PMPCA: variants seen among roughly 807,000 people sequenced by gnomAD.
PMPCA encodes the protein peptidase, mitochondrial processing subunit alpha, also known as mitochondrial-processing peptidase subunit alpha.
A neutral mutation model predicts 59.3 loss-of-function variants in PMPCA; 47 were observed. That is an observed-to-expected ratio of 0.79 (90% CI 0.63 to 1.01). The LOEUF is 1.01. Among genes scored for constraint, PMPCA ranks in the 50% least tolerant of loss-of-function variants. The pLI, the probability that PMPCA is intolerant of heterozygous loss-of-function variation, is 0.00. For missense variants in PMPCA, 726 were observed against 704.5 expected (o/e 1.03, Z -0.34); for synonymous variants, 338 against 290.3 (o/e 1.16, Z -1.67).
intron 8 of PMPCA, 43 bp from the exon 9 acceptor site, chr9:136,418,512 G>A (rs375389987): frequency 6.5e-6 from 8 of 1,226,786 alleles, no homozygotes; most frequent in African/African-American, 4.5e-5. Context: ...TGCTCCTGAC[G>A]TGGCGTGGGT....
At chr9:136,413,143 TC>T (rs887869314) in intron 4 of PMPCA, among the ~76,000 whole-genome samples, 1 of 152,158 alleles carries the variant, frequency 6.6e-6, no homozygotes, top group Non-Finnish European at 1.5e-5. Flanking sequence ...CAGGCCCTGT[TC>T]CCAGATAGAG....
intron 2 of PMPCA, 133 bp downstream of exon 2, chr9:136,412,332 A>G (rs1467978594): frequency 1.2e-6 from 1 of 818,794 alleles, no homozygotes; most frequent in Admixed American, 1.8e-5. Context: ...GATTTCATAA[A>G]TGTTGAGCTA....
At position 136,421,986 on chromosome 9, in the gene PMPCA, G is replaced by T. The variant is rs764078668; in HGVS notation, c.1408+10G>T. On this transcript the variant is annotated intron_variant, in intron 12 of 12. Coordinates refer to ENST00000371717, the MANE Select transcript of PMPCA (RefSeq NM_015160.3). ...CTGTGCACGCTCATCCGTGAGTACCGCAGGGGTAGTGAGGGGCTGCCGCAG... is the reference window on the plus strand; with the variant it reads ...CTGTGCACGCTCATCCGTGAGTACCTCAGGGGTAGTGAGGGGCTGCCGCAG... The T allele has an allele frequency of 1.1e-5, 18 of 1,603,158 alleles. 1 individual carries two copies. Among genetic ancestry groups the T allele is most frequent in the Non-Finnish European group, 1.4e-5 (16 of 1,174,932 alleles).
At position 136,421,891 on chromosome 9, in the gene PMPCA, C is replaced by T. The variant is rs751866578; in HGVS notation, c.1323C>T (p.Ser441=). 6 of 1,611,372 alleles carry T rather than the reference C, an allele frequency of 3.7e-6. No individual in the cohort carries two copies. The Admixed American group carries it at 6.7e-5, about 18-fold the overall frequency. The part of the protein sequence containing the change: ...LTSMLMMNLE[S]RPVIFEDVGR... Reference sequence around the variant, plus strand: ...CAATGCTCATGATGAACCTGGAATCCAGGCCTGTGATCTTCGAGGATGTGG... The same window carrying T: ...CAATGCTCATGATGAACCTGGAATCTAGGCCTGTGATCTTCGAGGATGTGG... The change falls in exon 12 of 13, where the codon TCC becomes TCT. Residue 441 remains serine, a synonymous_variant. Transcript: ENST00000371717.
intron 11 of PMPCA, among the ~76,000 whole-genome samples, 171 bp from the exon 12 acceptor site, chr9:136,421,661 C>T (rs895764855): frequency 1.3e-5 from 2 of 152,210 alleles, no homozygotes; most frequent in Non-Finnish European, 2.9e-5. Flanking sequence ...ATCCGCCTGC[C>T]TCAGCCTCCC....
Position 136,415,266 on chromosome 9 carries a change from G to T in PMPCA, c.532+619G>T, listed in dbSNP as rs74679968. ...CACAAAAAGGAAAAAAAACCCACTG[G>T]TGATTGTAAAAGTCCTTAGTGTTTG... On this transcript the variant is annotated intron_variant, in intron 5 of 12. Coordinates refer to ENST00000371717, the MANE Select transcript of PMPCA (RefSeq NM_015160.3). Among the ~76,000 whole-genome samples the T allele has an allele frequency of 2.5e-4, 38 of 152,292 alleles. No individual in the cohort carries two copies. In the East Asian group the frequency reaches 7.1e-3, roughly 29 times the overall value.
At chr9:136,412,984 G>A in intron 4 of PMPCA, 92 bp downstream of exon 4, 1 of 789,056 alleles carries the variant, frequency 1.3e-6, no homozygotes, top group Non-Finnish European at 2.2e-6. Context: ...CCTCCCAGCG[G>A]GAGGTGTGGA....
At chr9:136,414,190 A>C (rs1835209498) in intron 4 of PMPCA, among the ~76,000 whole-genome samples, 1 of 152,240 alleles carries the variant, frequency 6.6e-6, no homozygotes, top group Non-Finnish European at 1.5e-5. Context: ...TATAGTTACA[A>C]AAATCTGTAT....
At chr9:136,418,992 A>C in intron 10 of PMPCA, 52 bp from the exon 11 acceptor site, 3 of 1,597,560 alleles carry the variant, frequency 1.9e-6, no homozygotes, top group Non-Finnish European at 2.6e-6. Flanking sequence ...TAGACGGGTC[A>C]GTAGGCCGGC....
chr9:136,419,973 G>T (rs1401666908), intron 11 of PMPCA: 1 of 150,502 alleles, frequency 6.6e-6, no homozygotes, highest in Admixed American at 6.7e-5. Context: ...GTACAAATAA[G>T]CAAGTTTTAT....
intron 12 of PMPCA, 26 bp downstream of exon 12, chr9:136,422,002 G>T: frequency 6.3e-7 from 1 of 1,589,698 alleles, no homozygotes; most frequent in Non-Finnish European, 8.6e-7. Flanking sequence ...GTAGTGAGGG[G>T]CTGCCGCAGG....
intron 5 of PMPCA, chr9:136,415,959 T>C: frequency 2.8e-6 from 1 of 352,226 alleles, no homozygotes; most frequent in East Asian, 5.4e-5. Context: ...AGCACCTTCA[T>C]GTCTGGTCTC....
chr9:136,417,920 G>T, intron 7 of PMPCA, 97 bp from the exon 8 acceptor site: 1 of 911,578 alleles, frequency 1.1e-6, no homozygotes, highest in Admixed American at 1.8e-5. Context: ...GCTGGCATTG[G>T]ATTTCTGTGT....
chr9:136,423,046 G>A (rs556578627), intron 12 of PMPCA, 49 bp from the exon 13 acceptor site: 526 of 1,559,942 alleles, frequency 3.4e-4, no homozygotes, highest in Non-Finnish European at 4.3e-4. Flanking sequence ...CAGCCTCAGC[G>A]TGGGGGCCGT....
intron 12 of PMPCA, 102 bp from the exon 13 acceptor site, chr9:136,422,991 AGT>A: frequency 6.8e-7 from 1 of 1,472,426 alleles, no homozygotes; most frequent in Non-Finnish European, 9.0e-7. Context: ...GCACAGCGTG[AGT>A]GAGTGGTACA....
intron 7 of PMPCA, among the ~76,000 whole-genome samples, chr9:136,417,810 G>A (rs1435491833): frequency 2.0e-5 from 3 of 146,980 alleles, no homozygotes; most frequent in African/African-American, 7.6e-5. Context: ...GTGGAGTTTT[G>A]CCACATTGCC....
chr9:136,417,072 T>C lies in PMPCA; in HGVS notation c.755T>C (p.Val252Ala), dbSNP rs1835299665. ...LRNYYTPDRM[V>A]LAGVGVEHEH... ...AACTACTACACTCCCGACCGCATGGTGCTGGCCGGCGTGGGCGTGGAGCAC... is the reference window on the plus strand; with the variant it reads ...AACTACTACACTCCCGACCGCATGGCGCTGGCCGGCGTGGGCGTGGAGCAC... The change falls in exon 7 of 13, where the codon GTG (valine) becomes GCG (alanine). Residue 252 changes from valine (V) to alanine (A), a missense_variant. Physicochemically the swap from Val to Ala is moderately conservative, Grantham distance 64. Transcript: ENST00000371717. 6.2e-7 allele frequency: 1 copy of C among 1,613,938 alleles called. No homozygotes were observed. The highest frequency in any genetic ancestry group is 1.3e-5 in the African/African-American group (1 of 75,012).
In PMPCA at chr9:136,416,288, CAG is replaced by C. The variant is rs1564421452; in HGVS notation, c.533-1_533del. ...CAGCCCTGGCCTTTGGGTTCTCTTG[CAG>C]ATGAAGAAGTCGAGATGACGCGGAT... On this transcript the variant is annotated splice_acceptor_variant, in intron 5 of 12. Coordinates refer to ENST00000371717, the MANE Select transcript of PMPCA (RefSeq NM_015160.3). LOFTEE classifies it high-confidence loss of function. 1 of 1,610,202 alleles carries C rather than the reference CAG, an allele frequency of 6.2e-7. No individual in the cohort carries two copies. The highest frequency in any genetic ancestry group is 1.7e-5 in the Admixed American group (1 of 60,016).
chr9:136,423,462 A>G lies in PMPCA; in HGVS notation c.*198A>G. On this transcript the variant is annotated 3_prime_UTR_variant, in exon 13 of 13. Coordinates refer to ENST00000371717, the MANE Select transcript of PMPCA (RefSeq NM_015160.3). Reference sequence around the variant, plus strand: ...AGTGGAGTCAGTATCGAGCCTGACCACCGCAAGCCAGGAAGCAGGTGAAGT... The same window carrying G: ...AGTGGAGTCAGTATCGAGCCTGACCGCCGCAAGCCAGGAAGCAGGTGAAGT... The G allele has an allele frequency of 1.7e-6, 1 of 589,322 alleles. No individual in the cohort carries two copies. Among genetic ancestry groups the G allele is most frequent in the Non-Finnish European group, 3.0e-6 (1 of 337,658 alleles). The allele number at this position is 589,322 out of a possible 1,614,324, so 36.5% of individuals were successfully genotyped here. A position where few individuals can be genotyped will look rare whatever the true frequency, so the allele number is the denominator to read the frequency against.
Sources: gnomAD v4.1 joint callset for allele counts (sites outside exome capture counted in the v4.1 genomes callset) on GRCh38, gnomAD v4.1.1 for gene constraint, MANE v1.5 for transcripts, NCBI Gene and HGNC (gene_info 2026-07-23, HGNC 2026-07-21) for gene names.